Variants in CTNNA3 observed in about 807,000 individuals in gnomAD.
The protein encoded by CTNNA3 is catenin alpha 3, also known as catenin alpha-3.
Under a neutral mutation model 95.7 loss-of-function variants are expected in CTNNA3, and 76 were observed. The ratio of observed to expected loss-of-function variants is 0.79; its 90% CI spans 0.66 to 0.96. CTNNA3 has a LOEUF of 0.96. Among genes scored for constraint, CTNNA3 ranks in the 40% least tolerant of loss-of-function variants. The pLI, the probability that CTNNA3 is intolerant of heterozygous loss-of-function variation, is 0.00. For missense variants in CTNNA3, 1,191 were observed against 1,089.8 expected (o/e 1.09, Z -1.31); for synonymous variants, 431 against 374.4 (o/e 1.15, Z -1.74).
intron 11 of CTNNA3, among the ~76,000 whole-genome samples, chr10:66,491,910 A>G (rs10997185): frequency 0.082 from 12,447 of 152,022 alleles, 1,197 homozygotes; most frequent in East Asian, 0.32. Context: ...CTTTTTCTTC[A>G]TCCCCATTTT....
At chr10:67,008,209 T>C (rs1026063136) in intron 7 of CTNNA3, among the ~76,000 whole-genome samples, 1 of 152,098 alleles carries the variant, frequency 6.6e-6, no homozygotes, top group Non-Finnish European at 1.5e-5. Context: ...GGACCATTAC[T>C]TGCTATAAAA....
At chr10:66,224,175 C>T (rs1210050802) in intron 13 of CTNNA3, among the ~76,000 whole-genome samples, 1 of 152,180 alleles carries the variant, frequency 6.6e-6, no homozygotes, top group Non-Finnish European at 1.5e-5. Flanking sequence ...CCCTGGTTCT[C>T]AGGTCCTCAA....
chr10:66,896,837 T>C (rs918638528), intron 7 of CTNNA3, among the ~76,000 whole-genome samples: 3 of 152,204 alleles, frequency 2.0e-5, no homozygotes, highest in African/African-American at 7.2e-5. Flanking sequence ...GACCATTCTG[T>C]AGGAGTCGGC....
intron 7 of CTNNA3, among the ~76,000 whole-genome samples, chr10:67,014,453 C>A (rs770106450): frequency 6.6e-6 from 1 of 152,046 alleles, no homozygotes; most frequent in Non-Finnish European, 1.5e-5. Context: ...CCAGGTGGTG[C>A]CTGTTTGTAA....
intron 13 of CTNNA3, among the ~76,000 whole-genome samples, chr10:66,217,423 T>C (rs113574422): frequency 0.036 from 5,506 of 152,122 alleles, 240 homozygotes; most frequent in African/African-American, 0.11. Context: ...TAACTTTGTG[T>C]AATACCTTTG....
At chr10:66,539,979 C>T (rs1371330472) in intron 10 of CTNNA3, among the ~76,000 whole-genome samples, 1 of 152,062 alleles carries the variant, frequency 6.6e-6, no homozygotes, top group African/African-American at 2.4e-5. Flanking sequence ...GTTGTCTTCC[C>T]TCCCTAACTC....
At chr10:66,451,171 T>C (rs760391079) in intron 11 of CTNNA3, among the ~76,000 whole-genome samples, 9 of 152,140 alleles carry the variant, frequency 5.9e-5, no homozygotes, top group Non-Finnish European at 1.3e-4. Context: ...CAATGCTTGA[T>C]TGCAATAATG....
At chr10:67,185,497 T>A (rs1243711984) in intron 6 of CTNNA3, among the ~76,000 whole-genome samples, 2 of 152,168 alleles carry the variant, frequency 1.3e-5, no homozygotes, top group African/African-American at 4.8e-5. Flanking sequence ...AAAAAATTTT[T>A]AAAAACATGA....
intron 5 of CTNNA3, among the ~76,000 whole-genome samples, chr10:67,371,019 G>A (rs1470716137): frequency 4.2e-4 from 64 of 150,790 alleles, no homozygotes; most frequent in East Asian, 1.6e-3. Context: ...GGCGCCCGCC[G>A]CTACGCCCGG....
chr10:66,917,266 G>C (rs1050820353), intron 7 of CTNNA3, among the ~76,000 whole-genome samples: 2 of 152,104 alleles, frequency 1.3e-5, no homozygotes, highest in Non-Finnish European at 2.9e-5. Context: ...ATTTTTGCTC[G>C]AGTTACAATA....
intron 7 of CTNNA3, among the ~76,000 whole-genome samples, chr10:67,047,046 C>G (rs1854798166): frequency 1.3e-5 from 2 of 152,176 alleles, no homozygotes; most frequent in African/African-American, 2.4e-5. Context: ...AGGAGCACTG[C>G]CTGTATCTGA....
chr10:66,188,566 CTG>C, intron 13 of CTNNA3, among the ~76,000 whole-genome samples: 1 of 71,386 alleles, frequency 1.4e-5, no homozygotes, highest in South Asian at 6.1e-4. Flanking sequence ...ATTCCATTTT[CTG>C]TGTGTGTGTG....
intron 15 of CTNNA3, among the ~76,000 whole-genome samples, chr10:66,002,871 A>T (rs2133368862): frequency 6.6e-6 from 1 of 152,370 alleles, no homozygotes; most frequent in South Asian, 2.1e-4. Context: ...CGTTCGGGAA[A>T]GAAAAGAAAA....
intron 13 of CTNNA3, among the ~76,000 whole-genome samples, chr10:66,170,439 T>C (rs1409792258): frequency 6.6e-6 from 1 of 151,986 alleles, no homozygotes; most frequent in Non-Finnish European, 1.5e-5. Context: ...AGAATTTTCT[T>C]GAATAAAACA....
At chr10:66,637,638 G>A (rs1452105357) in intron 9 of CTNNA3, among the ~76,000 whole-genome samples, 4 of 152,192 alleles carry the variant, frequency 2.6e-5, no homozygotes, top group Non-Finnish European at 5.9e-5. Flanking sequence ...CAGGAGACAG[G>A]TTGCTTCCTT....
chr10:67,113,045 T>C (rs535914127), intron 7 of CTNNA3, among the ~76,000 whole-genome samples: 2 of 152,302 alleles, frequency 1.3e-5, no homozygotes, highest in South Asian at 2.1e-4. Flanking sequence ...TTCGCTATCA[T>C]GGTGACCATG....
chr10:66,150,428 A>G (rs1163418501), intron 13 of CTNNA3, among the ~76,000 whole-genome samples: 1 of 152,130 alleles, frequency 6.6e-6, no homozygotes, highest in Non-Finnish European at 1.5e-5. Context: ...AGACTAATAC[A>G]ATGGTGTTTG....
intron 7 of CTNNA3, among the ~76,000 whole-genome samples, chr10:66,880,869 C>A (rs185045743): frequency 6.6e-6 from 1 of 152,098 alleles, no homozygotes; most frequent in East Asian, 1.9e-4. Flanking sequence ...AAGTTACAGC[C>A]TTACAACTCT....
intron 13 of CTNNA3, among the ~76,000 whole-genome samples, chr10:66,227,865 G>A (rs2089397024): frequency 6.6e-6 from 1 of 152,020 alleles, no homozygotes; most frequent in African/African-American, 2.4e-5. Flanking sequence ...TTATTGGTCT[G>A]GTTAGATTTT....
Sources: allele counts gnomAD v4.1 joint callset (sites outside exome capture counted in the v4.1 genomes callset), GRCh38; gene constraint gnomAD v4.1.1; transcripts MANE v1.5; gene names NCBI Gene and HGNC (gene_info 2026-07-23, HGNC 2026-07-21).